Variants in SCAF8 observed in about 807,000 individuals in gnomAD.
The protein encoded by SCAF8 is SR-related and CTD-associated factor 8.
A neutral mutation model predicts 140.5 loss-of-function variants in SCAF8; 23 were observed. The ratio of observed to expected loss-of-function variants is 0.16; its 90% confidence interval spans 0.12 to 0.23. SCAF8 has a LOEUF of 0.23. Ranked by LOEUF, SCAF8 falls within the 10% of genes least tolerant of loss-of-function variation. The pLI, the probability that SCAF8 is intolerant of heterozygous loss-of-function variation, is 1.00. For missense variants in SCAF8, 1,397 were observed against 1,555.7 expected, an observed-to-expected ratio of 0.90 and a Z score of 1.72; for synonymous variants, 575 against 528.9, an observed-to-expected ratio of 1.09 and a Z score of -1.20.
chr6:154,788,147 G>A (rs1038956625), intron 4 of SCAF8, 125 bp downstream of exon 4: 84 of 751,096 alleles, frequency 1.1e-4, no homozygotes, highest in South Asian at 2.6e-4. Context: ...ATGACAGACC[G>A]CATATACAGT....
At chr6:154,808,625 C>T in intron 10 of SCAF8, 61 bp from the exon 11 acceptor site, 1 of 1,037,736 alleles carries the variant, frequency 9.6e-7, no homozygotes, top group South Asian at 1.3e-5. Context: ...ACAGAATTGT[C>T]AATGTATAAC....
At chr6:154,805,834 TTC>T in intron 9 of SCAF8, among the ~76,000 whole-genome samples, 1 of 152,140 alleles carries the variant, frequency 6.6e-6, no homozygotes, top group East Asian at 1.9e-4. Context: ...AAACGTGTTT[TTC>T]TCTCTGTTCC....
intron 1 of SCAF8, among the ~76,000 whole-genome samples, chr6:154,751,866 A>T (rs1562426578): frequency 6.6e-6 from 1 of 152,228 alleles, no homozygotes; most frequent in South Asian, 2.1e-4. Flanking sequence ...CTCGTAGAAC[A>T]GGATGCCACA....
rs764138805 is a variant in SCAF8 at position 154,827,177 on chromosome 6, A to C, written c.2077A>C (p.Met693Leu). 1.6e-5 allele frequency: 25 copies of C among 1,600,848 alleles called. No individual in the cohort carries two copies. The highest frequency in any genetic ancestry group is 2.1e-5 in the Non-Finnish European group (25 of 1,175,504). Residue 693 changes from methionine (M) to leucine (L), a missense_variant, in exon 18 of 20, where the codon ATG becomes CTG. This residue lies in a region of SCAF8 where 930 missense variants were observed against 874.6 expected (regional missense o/e 1.06). Coordinates refer to ENST00000367178, the MANE Select transcript of SCAF8 (RefSeq NM_014892.5). Reference sequence around the variant, plus strand: ...GGGTTTTTTTTTCTGTCTAGGTTTCATGCCGCCTCCAGTTCCCCCACCTGT... The same window carrying C: ...GGGTTTTTTTTTCTGTCTAGGTTTCCTGCCGCCTCCAGTTCCCCCACCTGT... ...FNPSQPPPGF[M>L]PPPVPPPVVP...
intron 15 of SCAF8, among the ~76,000 whole-genome samples, chr6:154,821,460 A>G (rs79671282): frequency 0.18 from 27,455 of 152,004 alleles, 2,686 homozygotes; most frequent in South Asian, 0.32. Flanking sequence ...ATTATCTGTG[A>G]AAAAAACAGA....
rs563449519 is a variant in SCAF8, at chr6:154,825,806, G to A, written c.2072-1366G>A. Among the ~76,000 whole-genome samples, 37 of 151,924 alleles carry A rather than the reference G, an allele frequency of 2.4e-4. No individual in the cohort carries two copies. In the South Asian group the frequency reaches 7.3e-3, roughly 30 times the overall value. On this transcript the variant is annotated intron_variant, in intron 17 of 19. Transcript: ENST00000367178. ...TGGGATTACAGGTATGAGCCACCGC[G>A]CACAGCCTAAAAGCCCCATCTTAAA...
chr6:154,803,252 A>G (rs918337181), intron 7 of SCAF8, among the ~76,000 whole-genome samples: 5 of 152,184 alleles, frequency 3.3e-5, no homozygotes, highest in East Asian at 1.9e-4. Context: ...GCTTATTACC[A>G]TGGAAAAACC....
In SCAF8 at chr6:154,832,711, T is replaced by A; in HGVS notation, c.3132T>A (p.Asp1044Glu). ...DVRDVVGRPIDPREGPGRPPL... is the reference protein window; with the variant it reads ...DVRDVVGRPIEPREGPGRPPL... ...GAGATGTGGTTGGGCGGCCTATAGA[T>A]CCAAGAGAAGGTCCTGGACGGCCTC... Residue 1044 changes from aspartate (D) to glutamate (E), a missense_variant, in exon 20 of 20, where the codon GAT becomes GAA. Physicochemically the swap from Asp to Glu is conservative, Grantham distance 45. This residue lies in a region of SCAF8 where 930 missense variants were observed against 874.6 expected (regional missense o/e 1.06). Transcript: ENST00000367178. 6.2e-7 allele frequency: 1 copy of A among 1,613,944 alleles called. No individual in the cohort carries two copies. The highest frequency in any genetic ancestry group is 8.5e-7 in the Non-Finnish European group (1 of 1,179,972).
chr6:154,816,886 C>G (rs1033623508), intron 13 of SCAF8, among the ~76,000 whole-genome samples: 1 of 152,158 alleles, frequency 6.6e-6, no homozygotes, highest in Non-Finnish European at 1.5e-5. Flanking sequence ...AATTCAAATA[C>G]TGTTGTTTTC....
intron 1 of SCAF8, among the ~76,000 whole-genome samples, chr6:154,753,142 A>G (rs945880204): frequency 2.6e-5 from 4 of 152,016 alleles, no homozygotes; most frequent in Admixed American, 1.3e-4. Context: ...CAGCCTGGCC[A>G]ACATGATGAA....
In SCAF8 at chr6:154,800,267, G is replaced by T. The variant is rs555941833; in HGVS notation, c.607-1704G>T. Among the ~76,000 whole-genome samples, 7 of 151,444 alleles carry T rather than the reference G, an allele frequency of 4.6e-5. No individual in the cohort carries two copies. In the East Asian group the frequency reaches 1.4e-3, roughly 29 times the overall value. On this transcript the variant is annotated intron_variant, in intron 6 of 19. Coordinates refer to ENST00000367178, the MANE Select transcript of SCAF8 (RefSeq NM_014892.5). Reference sequence around the variant, plus strand: ...TAAACTAGGGCAAGAATTTTTTGTGGTTGTTGACAGCTGCCTGTCCAATGT... The same window carrying T: ...TAAACTAGGGCAAGAATTTTTTGTGTTTGTTGACAGCTGCCTGTCCAATGT...
rs756291492 is a variant in SCAF8 at position 154,805,371 on chromosome 6, C to A, written c.866C>A (p.Ser289Tyr). 6.3e-7 allele frequency: 1 copy of A among 1,588,788 alleles called. No individual in the cohort carries two copies. The highest frequency in any genetic ancestry group is 8.6e-7 in the Non-Finnish European group (1 of 1,159,430). The change falls in exon 9 of 20, where the codon TCT becomes TAT. Residue 289 changes from serine (S) to tyrosine (Y), a missense_variant and splice_region_variant. This residue lies in a region of SCAF8 where 339 missense variants were observed against 407.5 expected (regional missense o/e 0.83). Transcript: ENST00000367178. Reference protein sequence around the residue: ...PKKEIPASQLSHVSESVNNSI... With the variant: ...PKKEIPASQLYHVSESVNNSI... The stretch of plus-strand genomic sequence containing the variant: ...TTTCCACCTGTTTTTCCTTTTAGTT[C>A]TCACGTTTCAGAATCTGTGAACAAT...
chr6:154,829,665 G>A (rs1269138740), intron 18 of SCAF8, among the ~76,000 whole-genome samples: 2 of 152,140 alleles, frequency 1.3e-5, no homozygotes, highest in Non-Finnish European at 2.9e-5. Context: ...TCAGTACTTT[G>A]GGAGGCTGAG....
chr6:154,768,248 T>C (rs975640373), intron 1 of SCAF8, among the ~76,000 whole-genome samples: 5 of 152,210 alleles, frequency 3.3e-5, no homozygotes, highest in Admixed American at 6.5e-5. Flanking sequence ...GCGCTTTTCT[T>C]TTAATGTCAT....
intron 4 of SCAF8, among the ~76,000 whole-genome samples, chr6:154,790,545 C>G (rs1777387843): frequency 9.6e-6 from 1 of 104,036 alleles, no homozygotes; most frequent in African/African-American, 3.6e-5. Context: ...GAGTCTCGCT[C>G]TGTTGCCCAG....
At chr6:154,806,682 A>T (rs768392105) in intron 9 of SCAF8, among the ~76,000 whole-genome samples, 10 of 152,302 alleles carry the variant, frequency 6.6e-5, no homozygotes, top group Non-Finnish European at 8.8e-5. Flanking sequence ...TTTTAATGCA[A>T]ACAGTAATAT....
intron 17 of SCAF8, 41 bp downstream of exon 17, chr6:154,824,419 T>C (rs1396144601): frequency 1.0e-5 from 16 of 1,544,398 alleles, no homozygotes; most frequent in Non-Finnish European, 1.3e-5. Context: ...CTATTTAGAT[T>C]ATCATTTAAG....
chr6:154,800,112 C>G, intron 6 of SCAF8, among the ~76,000 whole-genome samples: 1 of 151,318 alleles, frequency 6.6e-6, no homozygotes, highest in Non-Finnish European at 1.5e-5. Flanking sequence ...ACTGTAAACT[C>G]TTACCTGTCA....
In SCAF8 at chr6:154,833,029, T is replaced by A. The variant is rs772527844; in HGVS notation, c.3450T>A (p.Asp1150Glu). ...GFGQEVHRDF[D>E]DRRRPWERQR... ...GACAAGAAGTTCACAGAGATTTTGA[T>A]GACCGCAGAAGACCCTGGGAGAGGC... The change falls in exon 20 of 20, where the codon GAT (aspartate) becomes GAA (glutamate). Residue 1150 changes from aspartate to glutamate, a missense_variant. Asp to Glu is a conservative substitution (Grantham distance 45). Around this residue, in one of 5 missense-constraint regions of SCAF8, gnomAD observed 930 missense variants for 874.6 expected, o/e 1.06. Coordinates refer to ENST00000367178, the MANE Select transcript of SCAF8 (RefSeq NM_014892.5). 12 of 1,614,144 alleles carry A rather than the reference T, an allele frequency of 7.4e-6. No individual in the cohort carries two copies. Among genetic ancestry groups the A allele is most frequent in the Admixed American group, 6.7e-5 (4 of 60,018 alleles).
Sources: gnomAD v4.1 joint callset for allele counts (sites outside exome capture counted in the v4.1 genomes callset) on GRCh38, gnomAD v4.1.1 for gene constraint, gnomAD v4.1.1 regional missense constraint, MANE v1.5 for transcripts, NCBI Gene and HGNC (gene_info 2026-07-23, HGNC 2026-07-21) for gene names.